Variants in LYPLAL1 observed in about 807,000 individuals in gnomAD.
The protein encoded by LYPLAL1 is lysophospholipase-like protein 1.
In LYPLAL1, 23 loss-of-function variants were observed where a neutral mutation model predicts 19.7. The observed-to-expected ratio is 1.17, with a 90% CI of 0.84 to 1.65. The LOEUF is 1.65. LYPLAL1 is among the 40% of genes most tolerant of loss of function. The pLI, the probability that LYPLAL1 is intolerant of heterozygous loss-of-function variation, is 0.00. For missense variants in LYPLAL1, 355 were observed against 279.4 expected (o/e 1.27, Z -1.93); for synonymous variants, 119 against 96.3 (o/e 1.24, Z -1.38).
chr1:219,385,374 G>T, the LYPLAL1 span, among the ~76,000 whole-genome samples: 1 of 152,156 alleles, frequency 6.6e-6, no homozygotes, highest in Non-Finnish European at 1.5e-5. Context: ...TCAAAAAATT[G>T]TTCAAAAGTT....
At chr1:219,241,054 ATATCTATATC>A in the LYPLAL1 span, among the ~76,000 whole-genome samples, 1 of 146,674 alleles carries the variant, frequency 6.8e-6, no homozygotes, top group East Asian at 2.0e-4. Context: ...ATATCTATAT[ATATCTATATC>A]TATCTATATT....
Position 219,211,553 on chromosome 1 carries a change from A to T in LYPLAL1, c.539A>T (p.Glu180Val), listed in dbSNP as rs1180038802. 5 of 1,613,214 alleles carry T rather than the reference A, an allele frequency of 3.1e-6. No individual in the cohort carries two copies. The Admixed American group carries it at 8.3e-5, about 27-fold the overall frequency. ...ELFQCHGTADELVLHSWAEET... is the reference protein window; with the variant it reads ...ELFQCHGTADVLVLHSWAEET... Reference sequence around the variant, plus strand: ...TTTCAGTGTCATGGTACTGCAGATGAGTTAGTTCTTCATTCTTGGGCAGAA... The same window carrying T: ...TTTCAGTGTCATGGTACTGCAGATGTGTTAGTTCTTCATTCTTGGGCAGAA... The change falls in exon 5 of 5, where the codon GAG becomes GTG. Residue 180 changes from glutamate (E) to valine (V), a missense_variant. Physicochemically the swap from Glu to Val is moderately radical, Grantham distance 121. Coordinates refer to ENST00000366928, the MANE Select transcript of LYPLAL1 (RefSeq NM_138794.5).
At chr1:219,397,544 C>T in the LYPLAL1 span, among the ~76,000 whole-genome samples, 1 of 152,096 alleles carries the variant, frequency 6.6e-6, no homozygotes, top group African/African-American at 2.4e-5. Flanking sequence ...GGGGCATTAG[C>T]TTGTTTACAT....
At chr1:219,376,665 A>G in the LYPLAL1 span, among the ~76,000 whole-genome samples, 27 of 152,346 alleles carry the variant, frequency 1.8e-4, no homozygotes, top group African/African-American at 5.5e-4. Context: ...AAGGATATAT[A>G]TTTCTCTAAA....
At chr1:219,438,598 T>G in the LYPLAL1 span, among the ~76,000 whole-genome samples, 3 of 152,184 alleles carry the variant, frequency 2.0e-5, no homozygotes, top group South Asian at 6.2e-4. Flanking sequence ...TTTGGGAAGT[T>G]TCTTGGGGAT....
At chr1:219,359,001 C>T in the LYPLAL1 span, among the ~76,000 whole-genome samples, 2 of 152,008 alleles carry the variant, frequency 1.3e-5, no homozygotes, top group African/African-American at 2.4e-5. Flanking sequence ...TTTATAGAGA[C>T]ATAAGTTTAC....
At chr1:219,245,024 C>T in the LYPLAL1 span, among the ~76,000 whole-genome samples, 1 of 149,148 alleles carries the variant, frequency 6.7e-6, no homozygotes, top group Non-Finnish European at 1.5e-5. Context: ...TCCTCCCTCC[C>T]TCTTTTTCTT....
the LYPLAL1 span, among the ~76,000 whole-genome samples, chr1:219,301,937 A>G: frequency 5.3e-5 from 8 of 152,304 alleles, no homozygotes; most frequent in African/African-American, 1.9e-4. Flanking sequence ...TTTTTTAAAA[A>G]ATACATGATA....
the LYPLAL1 span, among the ~76,000 whole-genome samples, chr1:219,261,921 G>A: frequency 6.6e-6 from 1 of 152,106 alleles, no homozygotes; most frequent in African/African-American, 2.4e-5. Flanking sequence ...ATGTTTGCTT[G>A]ATTATTCCCT....
the LYPLAL1 span, among the ~76,000 whole-genome samples, chr1:219,368,384 G>A: frequency 3.9e-5 from 6 of 152,160 alleles, no homozygotes; most frequent in Non-Finnish European, 8.8e-5. Context: ...TATTTCCTAG[G>A]TAGCCCCCAT....
In LYPLAL1 at chr1:219,178,871, T is replaced by C. The variant is rs578139855; in HGVS notation, c.92-276T>C. 3.4e-5 allele frequency among the ~76,000 whole-genome samples: 5 copies of C among 146,224 alleles called. No homozygotes were observed. In the East Asian group the frequency reaches 5.8e-4, roughly 17 times the overall value. On this transcript the variant is annotated intron_variant, in intron 1 of 4. Coordinates refer to ENST00000366928, the MANE Select transcript of LYPLAL1 (RefSeq NM_138794.5). ...ATTTATTTATTCCTGTACTACCCACTAAACAAATTAGGTAACTTAAAACTT... is the reference window on the plus strand; with the variant it reads ...ATTTATTTATTCCTGTACTACCCACCAAACAAATTAGGTAACTTAAAACTT...
chr1:219,217,103 A>G (rs970116122), downstream of LYPLAL1, among the ~76,000 whole-genome samples: 3 of 152,126 alleles, frequency 2.0e-5, no homozygotes, highest in Admixed American at 1.3e-4. Context: ...AAAGCTTTTA[A>G]TGACCTTCAC....
At chr1:219,397,496 T>C in the LYPLAL1 span, among the ~76,000 whole-genome samples, 3,077 of 152,270 alleles carry the variant, frequency 0.02, 87 homozygotes, top group African/African-American at 0.069. Flanking sequence ...TTGTACCAGC[T>C]CTTTGTGCAC....
chr1:219,428,832 T>A, the LYPLAL1 span, among the ~76,000 whole-genome samples: 1 of 152,238 alleles, frequency 6.6e-6, no homozygotes, highest in Non-Finnish European at 1.5e-5. Context: ...ACGTTTTCAT[T>A]TCTCTCCCAA....
At chr1:219,297,066 G>A in the LYPLAL1 span, among the ~76,000 whole-genome samples, 11 of 152,182 alleles carry the variant, frequency 7.2e-5, no homozygotes, top group African/African-American at 2.7e-4. Flanking sequence ...GGCACCCTCA[G>A]AGAGAAATTC....
At chr1:219,291,801 T>A in the LYPLAL1 span, among the ~76,000 whole-genome samples, 3 of 137,134 alleles carry the variant, frequency 2.2e-5, no homozygotes, top group African/African-American at 8.1e-5. Flanking sequence ...CAAAAAAAAA[T>A]GTAGCTTCTT....
the LYPLAL1 span, among the ~76,000 whole-genome samples, chr1:219,371,495 A>G: frequency 6.6e-6 from 1 of 152,160 alleles, no homozygotes; most frequent in African/African-American, 2.4e-5. Context: ...TAAACTTGCA[A>G]TGTCTCAGCA....
the LYPLAL1 span, among the ~76,000 whole-genome samples, chr1:219,354,727 T>G: frequency 6.6e-6 from 1 of 152,200 alleles, no homozygotes; most frequent in Non-Finnish European, 1.5e-5. Flanking sequence ...CTAATATTAT[T>G]TGTAATTAAT....
chr1:219,215,660 A>T (rs1044065905), downstream of LYPLAL1, among the ~76,000 whole-genome samples: 3 of 152,056 alleles, frequency 2.0e-5, no homozygotes, highest in South Asian at 6.2e-4. Context: ...CAGACTCATA[A>T]CTGTGTCTCA....
Sources: gnomAD v4.1 joint callset for allele counts (sites outside exome capture counted in the v4.1 genomes callset) on GRCh38, gnomAD v4.1.1 for gene constraint, MANE v1.5 for transcripts, NCBI Gene and HGNC (gene_info 2026-07-23, HGNC 2026-07-21) for gene names.